The following MARCHF5 variants were observed in gnomAD, a reference collection of about 807,000 sequenced individuals.
The protein encoded by MARCHF5 is E3 ubiquitin-protein ligase MARCHF5.
In MARCHF5, 5 loss-of-function variants were observed where a neutral mutation model predicts 36.5. That is an observed-to-expected ratio of 0.14 (90% CI 0.07 to 0.29). MARCHF5 has a LOEUF of 0.29. MARCHF5 is among the 10% of genes least tolerant of loss of function. The pLI is 1.00. For synonymous variants in MARCHF5, 103 were observed against 109.9 expected (o/e 0.94, Z 0.39); for missense variants, 179 against 336.3 (o/e 0.53, Z 3.66).
intron 2 of MARCHF5, among the ~76,000 whole-genome samples, chr10:92,322,942 T>A (rs1377258776): frequency 6.6e-6 from 1 of 152,052 alleles, no homozygotes; most frequent in Non-Finnish European, 1.5e-5. Context: ...TTCACCATGT[T>A]GGCCAGGATG....
At chr10:92,297,570 C>G (rs781064664) in intron 1 of MARCHF5, among the ~76,000 whole-genome samples, 1 of 148,680 alleles carries the variant, frequency 6.7e-6, no homozygotes. Flanking sequence ...CTCACTGTTG[C>G]AACCTCCACC....
rs1209654188 is a variant in MARCHF5, at chr10:92,291,546, G to C, written c.35+17G>C. 7.2e-6 allele frequency: 11 copies of C among 1,533,236 alleles called. No individual in the cohort carries two copies. Among genetic ancestry groups the C allele is most frequent in the East Asian group, 2.5e-5 (1 of 39,496 alleles). The allele number at this position is 1,533,236 out of a possible 1,614,324, so 95.0% of individuals were successfully genotyped here. On this transcript the variant is annotated intron_variant, in intron 1 of 5. Transcript: ENST00000358935. Reference sequence around the variant, plus strand: ...GCTGGACAGGTACGGGCAGCTGTGGGGGGGACCGGGAGCCGCCGACCCTCG... The same window carrying C: ...GCTGGACAGGTACGGGCAGCTGTGGCGGGGACCGGGAGCCGCCGACCCTCG...
At chr10:92,334,085 G>A (rs1463218798) in intron 2 of MARCHF5, among the ~76,000 whole-genome samples, 1 of 152,170 alleles carries the variant, frequency 6.6e-6, no homozygotes, top group Non-Finnish European at 1.5e-5. Context: ...AGCTACTTGG[G>A]AGGCTGAGGT....
At chr10:92,313,813 A>C (rs998907303) in intron 2 of MARCHF5, among the ~76,000 whole-genome samples, 3 of 152,172 alleles carry the variant, frequency 2.0e-5, no homozygotes, top group Non-Finnish European at 2.9e-5. Flanking sequence ...GGATTGCCTT[A>C]GCCTGTGAGG....
intron 2 of MARCHF5, among the ~76,000 whole-genome samples, chr10:92,338,480 TTGG>T (rs1462128847): frequency 6.6e-6 from 1 of 152,136 alleles, no homozygotes; most frequent in African/African-American, 2.4e-5. Context: ...GGATATAGAG[TTGG>T]TGTGCACTAA....
At chr10:92,321,283 C>G (rs1843286247) in intron 2 of MARCHF5, among the ~76,000 whole-genome samples, 1 of 152,018 alleles carries the variant, frequency 6.6e-6, no homozygotes, top group Non-Finnish European at 1.5e-5. Context: ...TTGAGGATGT[C>G]CCATCTATTT....
At chr10:92,307,815 A>G (rs1009901745) in intron 1 of MARCHF5, among the ~76,000 whole-genome samples, 3 of 152,080 alleles carry the variant, frequency 2.0e-5, no homozygotes, top group Non-Finnish European at 4.4e-5. Flanking sequence ...CGGAGGTTGC[A>G]GTGAGCCGAG....
chr10:92,334,038 A>G (rs888806453), intron 2 of MARCHF5, among the ~76,000 whole-genome samples: 2 of 152,156 alleles, frequency 1.3e-5, no homozygotes. Context: ...AAAAATAAAA[A>G]AATTAGCTAG....
chr10:92,292,072 C>G (rs912220922), intron 1 of MARCHF5, among the ~76,000 whole-genome samples: 1 of 132,370 alleles, frequency 7.6e-6, no homozygotes, highest in Non-Finnish European at 1.6e-5. Context: ...GTCAGAGTAT[C>G]CGCAAGGGAG....
At chr10:92,325,744 C>T (rs1843349455) in intron 2 of MARCHF5, among the ~76,000 whole-genome samples, 1 of 152,168 alleles carries the variant, frequency 6.6e-6, no homozygotes, top group Non-Finnish European at 1.5e-5. Flanking sequence ...GCTGCACGAT[C>T]TTGGCTCTCT....
intron 2 of MARCHF5, among the ~76,000 whole-genome samples, chr10:92,319,212 A>G (rs1402131502): frequency 2.0e-5 from 3 of 152,236 alleles, no homozygotes; most frequent in Non-Finnish European, 4.4e-5. Flanking sequence ...TAGCAGTCAT[A>G]TAAAAATATA....
chr10:92,300,037 T>C (rs1842994008), intron 1 of MARCHF5, among the ~76,000 whole-genome samples: 1 of 151,956 alleles, frequency 6.6e-6, no homozygotes, highest in Non-Finnish European at 1.5e-5. Context: ...GGTGCATGCC[T>C]ATACTCCCAG....
At chr10:92,345,697 C>CTTTTTTTTTTTTTT (rs34971275) in intron 3 of MARCHF5, among the ~76,000 whole-genome samples, 8 of 123,614 alleles carry the variant, frequency 6.5e-5, no homozygotes, top group South Asian at 2.6e-4. Context: ...TTTTTTTTTT[C>CTTTTTTTTTTTTTT]TTTTTTTTTT....
At chr10:92,338,827 A>G (rs1843536666) in intron 2 of MARCHF5, among the ~76,000 whole-genome samples, 1 of 152,208 alleles carries the variant, frequency 6.6e-6, no homozygotes, top group African/African-American at 2.4e-5. Flanking sequence ...TGTGTATAGC[A>G]TCTGCCTTTA....
intron 2 of MARCHF5, among the ~76,000 whole-genome samples, chr10:92,330,827 G>A (rs1402542662): frequency 2.0e-5 from 3 of 152,210 alleles, no homozygotes; most frequent in Non-Finnish European, 4.4e-5. Flanking sequence ...TACAGATGCA[G>A]AAATTCAGGC....
At chr10:92,314,077 G>A (rs1216482238) in intron 2 of MARCHF5, among the ~76,000 whole-genome samples, 1 of 151,894 alleles carries the variant, frequency 6.6e-6, no homozygotes, top group Non-Finnish European at 1.5e-5. Context: ...GTGTGATGGA[G>A]CACACCTGTT....
intron 2 of MARCHF5, among the ~76,000 whole-genome samples, chr10:92,313,604 T>A (rs1564945928): frequency 7.0e-6 from 1 of 143,134 alleles, no homozygotes; most frequent in African/African-American, 2.6e-5. Context: ...GACGCCGTGC[T>A]AAAAAAAAAA....
At chr10:92,350,797 C>T (rs1401722794) in intron 5 of MARCHF5, among the ~76,000 whole-genome samples, 2 of 152,132 alleles carry the variant, frequency 1.3e-5, no homozygotes, top group African/African-American at 2.4e-5. Flanking sequence ...GCACATAGTG[C>T]CCTAGCATTC....
chr10:92,339,676 A>T (rs1042818720), intron 2 of MARCHF5, among the ~76,000 whole-genome samples: 1 of 152,212 alleles, frequency 6.6e-6, no homozygotes, highest in African/African-American at 2.4e-5. Flanking sequence ...TCTCAAAAAA[A>T]AATAAAAATA....
Sources: gnomAD v4.1 joint callset for allele counts (sites outside exome capture counted in the v4.1 genomes callset) on GRCh38, gnomAD v4.1.1 for gene constraint, MANE v1.5 for transcripts, NCBI Gene and HGNC (gene_info 2026-07-23, HGNC 2026-07-21) for gene names.